SULT2B1: variants seen among roughly 807,000 people sequenced by gnomAD.
SULT2B1 encodes sulfotransferase family 2B member 1.
SULT2B1 carries 16 observed loss-of-function variants against 33.2 expected under a neutral mutation model. The ratio of observed to expected loss-of-function variants is 0.48; its 90% CI spans 0.33 to 0.73. SULT2B1 has a LOEUF of 0.73. SULT2B1 is among the 30% of genes least tolerant of loss of function. SULT2B1 has a pLI of 0.02. For synonymous variants in SULT2B1, 186 were observed against 200.5 expected, an observed-to-expected ratio of 0.93 and a Z score of 0.61; for missense variants, 500 against 506.0, an observed-to-expected ratio of 0.99 and a Z score of 0.11.
chr19:48,594,692 C>T (rs34698909), intron 5 of SULT2B1, among the ~76,000 whole-genome samples: 19,549 of 152,150 alleles, frequency 0.13, 1,501 homozygotes, highest in Admixed American at 0.22. Context: ...CGGAGCTGAC[C>T]AGAGGGCTGA....
intron 1 of SULT2B1, among the ~76,000 whole-genome samples, chr19:48,571,913 GC>G (rs1973335210): frequency 6.6e-6 from 1 of 152,152 alleles, no homozygotes; most frequent in Non-Finnish European, 1.5e-5. Context: ...ATGCCCGGCT[GC>G]ACTTGTGTTT....
intron 1 of SULT2B1, among the ~76,000 whole-genome samples, chr19:48,559,442 C>T (rs959234502): frequency 2.0e-5 from 3 of 152,146 alleles, no homozygotes; most frequent in African/African-American, 7.2e-5. Context: ...GTGATTTTAG[C>T]TCACTGCAAC....
chr19:48,555,415 C>A (rs1033718621), intron 1 of SULT2B1, among the ~76,000 whole-genome samples: 3 of 151,972 alleles, frequency 2.0e-5, no homozygotes, highest in Non-Finnish European at 4.4e-5. Context: ...ACTTTGAATT[C>A]CCTGGCCACG....
intron 1 of SULT2B1, among the ~76,000 whole-genome samples, chr19:48,554,044 C>T (rs1973061656): frequency 6.6e-6 from 1 of 152,072 alleles, no homozygotes. Context: ...AGTGGGTGAC[C>T]TTGGTTTAGT....
At chr19:48,573,565 G>A (rs8109679) in intron 1 of SULT2B1, among the ~76,000 whole-genome samples, 14,363 of 152,048 alleles carry the variant, frequency 0.094, 2,255 homozygotes, top group African/African-American at 0.33. Flanking sequence ...CCCAGAGAGT[G>A]GCAGGGTCGG....
At chr19:48,592,846 TC>T in intron 5 of SULT2B1, 30 bp downstream of exon 5, 10 of 1,534,170 alleles carry the variant, frequency 6.5e-6, no homozygotes, top group Admixed American at 2.0e-5. Flanking sequence ...AGGTGCAGCG[TC>T]CCCCCCATAC....
At chr19:48,570,940 T>C (rs1027874909) in intron 1 of SULT2B1, among the ~76,000 whole-genome samples, 8 of 151,856 alleles carry the variant, frequency 5.3e-5, no homozygotes, top group Non-Finnish European at 1.2e-4. Flanking sequence ...GCCAGGATGG[T>C]CTCGATCTCC....
In SULT2B1 at chr19:48,552,429, A is replaced by T; in HGVS notation, c.71+106A>T. 1 of 1,229,932 alleles carries T rather than the reference A, an allele frequency of 8.1e-7. No individual in the cohort carries two copies. Among genetic ancestry groups the T allele is most frequent in the Non-Finnish European group, 1.1e-6 (1 of 871,764 alleles). 76.2% of individuals were successfully genotyped at this position (1,229,932 alleles called of 1,614,324 possible). ...GTGGCCTCCAGCCACCCGCAGCCGC[A>T]GGCCTGGCCCAGACTTAGCTGGAGG... is the stretch of plus-strand genomic sequence containing the variant. On this transcript the variant is annotated intron_variant, in intron 1 of 6. Coordinates refer to ENST00000201586, the MANE Select transcript of SULT2B1 (RefSeq NM_177973.2). This position sits in a 1 kb window ranked among gnomAD's most constrained non-coding sequence, Gnocchi z 4.8.
chr19:48,566,303 C>T (rs1333885630), intron 1 of SULT2B1, among the ~76,000 whole-genome samples: 1 of 152,062 alleles, frequency 6.6e-6, no homozygotes, highest in Non-Finnish European at 1.5e-5. Flanking sequence ...CTCAAGTGAT[C>T]TTCCCACTTT....
rs1018071841 is a variant in SULT2B1, at chr19:48,552,565, C to T, written c.71+242C>T. 6.6e-6 allele frequency among the ~76,000 whole-genome samples: 1 copy of T among 152,172 alleles called. No homozygotes were observed. Among genetic ancestry groups the T allele is most frequent in the African/African-American group, 2.4e-5 (1 of 41,434 alleles). ...GGGGATGCCTGGGGTGTCCCTGTCG[C>T]TCTCCGGGCCTCAGTTTTTCTGTCT... On this transcript the variant is annotated intron_variant, in intron 1 of 6. Coordinates refer to ENST00000201586, the MANE Select transcript of SULT2B1 (RefSeq NM_177973.2). This position sits in a 1 kb window ranked among gnomAD's most constrained non-coding sequence, Gnocchi z 4.8.
At chr19:48,595,048 C>T (rs778785500) in intron 5 of SULT2B1, among the ~76,000 whole-genome samples, 1 of 151,666 alleles carries the variant, frequency 6.6e-6, no homozygotes, top group Admixed American at 6.6e-5. Flanking sequence ...TTTGGGAGGC[C>T]GAAGTGAGCA....
In SULT2B1 at chr19:48,552,348, C is replaced by T; in HGVS notation, c.71+25C>T. The T allele has an allele frequency of 6.2e-7, 1 of 1,611,856 alleles. No homozygotes were observed. Among genetic ancestry groups the T allele is most frequent in the Non-Finnish European group, 8.5e-7 (1 of 1,178,706 alleles). ...GGTGAGGCCCAGACCTGGGCAGGAG[C>T]CAGGAGATCCCAGGGAGGAGGTGGC... On this transcript the variant is annotated intron_variant, in intron 1 of 6. Transcript: ENST00000201586. This position sits in a 1 kb window ranked among gnomAD's most constrained non-coding sequence, Gnocchi z 4.8.
chr19:48,592,586 C>A (rs939618363), intron 4 of SULT2B1, 136 bp from the exon 5 acceptor site: 2 of 692,380 alleles, frequency 2.9e-6, no homozygotes, highest in African/African-American at 1.8e-5. Flanking sequence ...AATGTGGGGG[C>A]TCTGGGGGAG....
At chr19:48,595,452 A>G (rs1050224081) in intron 5 of SULT2B1, among the ~76,000 whole-genome samples, 13 of 152,010 alleles carry the variant, frequency 8.6e-5, no homozygotes, top group Non-Finnish European at 1.5e-4. Flanking sequence ...GCACAAATGT[A>G]TGGGGGGCTT....
chr19:48,573,236 C>T (rs965887192), intron 1 of SULT2B1, among the ~76,000 whole-genome samples: 21 of 151,946 alleles, frequency 1.4e-4, no homozygotes, highest in African/African-American at 5.1e-4. Context: ...GAGTCATTCC[C>T]GGGGATCACC....
At chr19:48,563,614 G>A (rs1279613398) in intron 1 of SULT2B1, among the ~76,000 whole-genome samples, 3 of 152,036 alleles carry the variant, frequency 2.0e-5, no homozygotes, top group Non-Finnish European at 4.4e-5. Flanking sequence ...CAATCTGTAC[G>A]GTGGGGGACG....
intron 3 of SULT2B1, among the ~76,000 whole-genome samples, chr19:48,590,503 G>A (rs1160033138): frequency 6.6e-6 from 1 of 152,058 alleles, no homozygotes; most frequent in South Asian, 2.1e-4. Flanking sequence ...TCGGGAGGCT[G>A]AGGCAGGAGA....
intron 1 of SULT2B1, among the ~76,000 whole-genome samples, chr19:48,568,302 A>T (rs1973270728): frequency 6.6e-6 from 1 of 150,786 alleles, no homozygotes; most frequent in East Asian, 1.9e-4. Context: ...AAAAAAAAAA[A>T]GTATTAAAAA....
intron 2 of SULT2B1, among the ~76,000 whole-genome samples, chr19:48,583,815 C>CAAAA (rs1300649412): frequency 9.5e-6 from 1 of 105,562 alleles, no homozygotes; most frequent in Non-Finnish European, 2.2e-5. Flanking sequence ...CAGACTGTCT[C>CAAAA]AAACAAACAA....
Sources: allele counts gnomAD v4.1 joint callset (sites outside exome capture counted in the v4.1 genomes callset), GRCh38; gene constraint gnomAD v4.1.1; non-coding constraint Gnocchi (gnomAD v3.1); transcripts MANE v1.5; gene names NCBI Gene and HGNC (gene_info 2026-07-23, HGNC 2026-07-21).